The following LARGE1 variants were observed in gnomAD, a reference collection of about 807,000 sequenced individuals.
LARGE1 encodes the protein xylosyl- and glucuronyltransferase LARGE1.
A neutral mutation model predicts 87.6 loss-of-function variants in LARGE1; 43 were observed. The ratio of observed to expected loss-of-function variants is 0.49; its 90% CI spans 0.38 to 0.63. The LOEUF is 0.63. Ranked by LOEUF, LARGE1 falls within the 30% of genes least tolerant of loss-of-function variation. The pLI is 0.00. For missense variants in LARGE1, 802 were observed against 1,000.2 expected (o/e 0.80, Z 2.67); for synonymous variants, 434 against 394.6 (o/e 1.10, Z -1.18).
intron 11 of LARGE1, among the ~76,000 whole-genome samples, chr22:33,305,839 T>TTTC (rs2146187330): frequency 9.2e-6 from 1 of 108,692 alleles, no homozygotes; most frequent in South Asian, 3.1e-4. Context: ...TTTCTTTTTC[T>TTTC]TTTTCTTTTT....
intron 7 of LARGE1, among the ~76,000 whole-genome samples, chr22:33,391,883 C>A (rs1378005471): frequency 6.6e-6 from 1 of 150,924 alleles, no homozygotes; most frequent in African/African-American, 2.4e-5. Flanking sequence ...GATTCTCCTG[C>A]CTCAGCCTCC....
intron 2 of LARGE1, chr22:33,737,653 T>G (rs546008118): frequency 6.6e-6 from 1 of 151,546 alleles, no homozygotes; most frequent in East Asian, 1.9e-4. Context: ...GAGCAAAGAG[T>G]GAAAAGTCTC....
chr22:33,827,093 T>C (rs975351837), intron 1 of LARGE1, among the ~76,000 whole-genome samples: 5 of 152,078 alleles, frequency 3.3e-5, no homozygotes, highest in African/African-American at 1.2e-4. Flanking sequence ...CCGGGCACGG[T>C]GGCTCACTCC....
chr22:33,353,727 T>A (rs1940625784), intron 9 of LARGE1, among the ~76,000 whole-genome samples: 1 of 152,216 alleles, frequency 6.6e-6, no homozygotes, highest in Non-Finnish European at 1.5e-5. Context: ...CCTACTTTAA[T>A]GATAACGATA....
At chr22:33,669,316 A>G (rs1467780217) in intron 2 of LARGE1, among the ~76,000 whole-genome samples, 1 of 152,212 alleles carries the variant, frequency 6.6e-6, no homozygotes, top group African/African-American at 2.4e-5. Flanking sequence ...TTAAGTGGAG[A>G]TGCACAGGAC....
chr22:33,132,888 A>C, the LARGE1 span, among the ~76,000 whole-genome samples: 1 of 152,114 alleles, frequency 6.6e-6, no homozygotes, highest in African/African-American at 2.4e-5. Context: ...TTCCCGTCTT[A>C]TACTTTCTTT....
At chr22:33,417,465 T>C (rs533331339) in intron 7 of LARGE1, among the ~76,000 whole-genome samples, 36 of 152,292 alleles carry the variant, frequency 2.4e-4, no homozygotes, top group Admixed American at 6.5e-4. Flanking sequence ...GATAGGGACA[T>C]AGGAACAAAG....
At chr22:33,092,117 C>T in the LARGE1 span, among the ~76,000 whole-genome samples, 1 of 152,174 alleles carries the variant, frequency 6.6e-6, no homozygotes, top group South Asian at 2.1e-4. Flanking sequence ...TCAAGCTGGT[C>T]TCAAACTCCT....
chr22:33,677,848 G>A (rs1198336140), intron 2 of LARGE1, among the ~76,000 whole-genome samples: 1 of 152,292 alleles, frequency 6.6e-6, no homozygotes, highest in South Asian at 2.1e-4. Flanking sequence ...CTAGGCATGG[G>A]TTATAGGTAC....
chr22:33,781,436 G>A (rs949149963), intron 1 of LARGE1, among the ~76,000 whole-genome samples: 1 of 152,188 alleles, frequency 6.6e-6, no homozygotes, highest in Non-Finnish European at 1.5e-5. Context: ...GGGAGGTGGA[G>A]GTTGCAGTGA....
chr22:33,472,878 C>G (rs1000814960), intron 6 of LARGE1, among the ~76,000 whole-genome samples: 1 of 152,218 alleles, frequency 6.6e-6, no homozygotes, highest in Non-Finnish European at 1.5e-5. Context: ...CTGGCAGCAT[C>G]TGAGTCATCA....
intron 11 of LARGE1, among the ~76,000 whole-genome samples, chr22:33,201,779 G>A (rs1924408616): frequency 1.3e-5 from 2 of 152,222 alleles, no homozygotes; most frequent in Non-Finnish European, 2.9e-5. Flanking sequence ...CTTTTACCAT[G>A]AACGAAATGG....
chr22:33,700,831 CAGT>C (rs2082385557), intron 2 of LARGE1, among the ~76,000 whole-genome samples: 1 of 152,118 alleles, frequency 6.6e-6, no homozygotes, highest in Non-Finnish European at 1.5e-5. Flanking sequence ...TAGCAATCTG[CAGT>C]AGTTTAGGTA....
chr22:33,666,539 T>C (rs1315242874), intron 2 of LARGE1, among the ~76,000 whole-genome samples: 4 of 152,112 alleles, frequency 2.6e-5, no homozygotes, highest in African/African-American at 9.7e-5. Flanking sequence ...CTGCCTTCTG[T>C]AGCCTACAAA....
At chr22:33,144,454 T>A in the LARGE1 span, among the ~76,000 whole-genome samples, 1 of 150,818 alleles carries the variant, frequency 6.6e-6, no homozygotes, top group Non-Finnish European at 1.5e-5. Flanking sequence ...TATATTGAGT[T>A]ATATATATAT....
chr22:33,917,877 G>A (rs944920997), intron 1 of LARGE1, among the ~76,000 whole-genome samples: 17 of 152,008 alleles, frequency 1.1e-4, no homozygotes, highest in African/African-American at 3.1e-4. Flanking sequence ...ACAGTCTCAC[G>A]AACCCTCAAC....
At chr22:33,419,687 T>G (rs1378143726) in intron 7 of LARGE1, among the ~76,000 whole-genome samples, 1 of 152,078 alleles carries the variant, frequency 6.6e-6, no homozygotes, top group Non-Finnish European at 1.5e-5. Context: ...GTTGTTGTTG[T>G]TGTTTTTTGT....
the LARGE1 span, among the ~76,000 whole-genome samples, chr22:33,071,486 G>T: frequency 1.3e-5 from 2 of 152,102 alleles, no homozygotes; most frequent in Non-Finnish European, 2.9e-5. Context: ...CACATTTGTC[G>T]ATCACTGTAT....
intron 2 of LARGE1, among the ~76,000 whole-genome samples, chr22:33,751,366 A>G (rs1046232436): frequency 1.1e-4 from 17 of 152,222 alleles, no homozygotes; most frequent in Middle Eastern, 3.4e-3. Flanking sequence ...CTGTAATCCC[A>G]GCTACTTGGG....
Sources: gnomAD v4.1 joint callset for allele counts (sites outside exome capture counted in the v4.1 genomes callset) on GRCh38, gnomAD v4.1.1 for gene constraint, MANE v1.5 for transcripts, NCBI Gene and HGNC (gene_info 2026-07-23, HGNC 2026-07-21) for gene names.